Variants in ACOXL observed in about 807,000 individuals in gnomAD.
The protein encoded by ACOXL is acyl-coenzyme A oxidase-like protein.
In ACOXL, 70 loss-of-function variants were observed where a neutral mutation model predicts 71.9. That is an observed-to-expected ratio of 0.97 (90% CI 0.80 to 1.19). ACOXL has a LOEUF of 1.19. Ranked by LOEUF, ACOXL falls within the 50% of genes most tolerant of loss-of-function variation. The pLI is 0.00. For missense variants in ACOXL, 703 were observed against 736.3 expected (o/e 0.95, Z 0.52); for synonymous variants, 253 against 281.6 (o/e 0.90, Z 1.02).
intron 9 of ACOXL, among the ~76,000 whole-genome samples, chr2:110,819,297 G>A (rs1470209610): frequency 6.6e-6 from 1 of 152,184 alleles, no homozygotes; most frequent in African/African-American, 2.4e-5. Context: ...GCTACTGGAG[G>A]CTTCTAAGGA....
chr2:111,054,218 A>G (rs2066426839), intron 16 of ACOXL, among the ~76,000 whole-genome samples: 1 of 152,226 alleles, frequency 6.6e-6, no homozygotes, highest in Non-Finnish European at 1.5e-5. Flanking sequence ...CCTGTAGGAA[A>G]ATAAAGCTTG....
intron 1 of ACOXL, among the ~76,000 whole-genome samples, chr2:110,735,781 G>A (rs926478324): frequency 1.3e-5 from 2 of 152,198 alleles, no homozygotes; most frequent in African/African-American, 4.8e-5. Context: ...GTGACTGGCG[G>A]CTCCTCATTG....
At chr2:110,798,991 A>G in intron 6 of ACOXL, 23 bp from the exon 7 acceptor site, 1 of 1,610,178 alleles carries the variant, frequency 6.2e-7, no homozygotes, top group Non-Finnish European at 8.5e-7. Flanking sequence ...AGAGCTTAAT[A>G]ATGATCTCGA....
chr2:110,903,525 A>C (rs1240626514), intron 10 of ACOXL, among the ~76,000 whole-genome samples: 2 of 152,214 alleles, frequency 1.3e-5, no homozygotes, highest in Non-Finnish European at 2.9e-5. Context: ...GATTTTAAAG[A>C]CCATGAAAAA....
chr2:110,998,284 G>A (rs904124738), intron 14 of ACOXL, among the ~76,000 whole-genome samples: 3 of 152,156 alleles, frequency 2.0e-5, no homozygotes, highest in African/African-American at 7.2e-5. Context: ...TTATTAAATT[G>A]AAAGCTAACA....
chr2:110,904,247 G>A (rs2059356242), intron 10 of ACOXL, among the ~76,000 whole-genome samples: 1 of 152,162 alleles, frequency 6.6e-6, no homozygotes, highest in Non-Finnish European at 1.5e-5. Context: ...TTGGGCATAG[G>A]GGAGGCTCCT....
chr2:110,805,205 C>G (rs151037305), intron 8 of ACOXL, 58 bp from the exon 9 acceptor site: 11 of 1,600,410 alleles, frequency 6.9e-6, no homozygotes, highest in Non-Finnish European at 9.4e-6. Flanking sequence ...CACCTGACTT[C>G]GTTTCTGGTG....
intron 3 of ACOXL, among the ~76,000 whole-genome samples, chr2:110,790,916 T>A (rs996389815): frequency 2.0e-5 from 3 of 152,232 alleles, no homozygotes; most frequent in African/African-American, 7.2e-5. Context: ...CTCAGAGTCC[T>A]CTTTTTCCTT....
At chr2:110,997,298 C>G (rs1220050071) in intron 14 of ACOXL, among the ~76,000 whole-genome samples, 1 of 151,806 alleles carries the variant, frequency 6.6e-6, no homozygotes, top group Non-Finnish European at 1.5e-5. Flanking sequence ...AAATAATAAT[C>G]ACAGACATAG....
At chr2:110,894,975 A>G (rs762507435) in intron 10 of ACOXL, among the ~76,000 whole-genome samples, 3 of 152,210 alleles carry the variant, frequency 2.0e-5, no homozygotes, top group Non-Finnish European at 2.9e-5. Flanking sequence ...GAGTCTCACA[A>G]TATAACATGA....
At chr2:111,085,899 C>T (rs768936462) in intron 16 of ACOXL, among the ~76,000 whole-genome samples, 8 of 152,132 alleles carry the variant, frequency 5.3e-5, no homozygotes, top group Non-Finnish European at 1.0e-4. Flanking sequence ...ACCGACTCCA[C>T]AGAAATACAA....
chr2:110,910,972 A>G (rs911660672), intron 11 of ACOXL, among the ~76,000 whole-genome samples: 1 of 152,130 alleles, frequency 6.6e-6, no homozygotes, highest in African/African-American at 2.4e-5. Flanking sequence ...TTCTTGTTTT[A>G]TGATTATTGC....
chr2:110,800,623 G>A (rs1360868138), intron 7 of ACOXL, among the ~76,000 whole-genome samples: 3 of 152,010 alleles, frequency 2.0e-5, no homozygotes, highest in Non-Finnish European at 4.4e-5. Flanking sequence ...CCAAGCCAAG[G>A]AAGGGAGACT....
intron 2 of ACOXL, among the ~76,000 whole-genome samples, chr2:110,769,919 T>C (rs1452522574): frequency 6.6e-6 from 1 of 151,960 alleles, no homozygotes; most frequent in Non-Finnish European, 1.5e-5. Flanking sequence ...CCCACACCTG[T>C]AGTACCAGCT....
intron 9 of ACOXL, among the ~76,000 whole-genome samples, chr2:110,827,368 A>G (rs1377169344): frequency 6.6e-6 from 1 of 152,028 alleles, no homozygotes. Flanking sequence ...GAATAAAGGT[A>G]GCAGGGCATG....
At chr2:110,943,208 A>G (rs1472048524) in intron 12 of ACOXL, among the ~76,000 whole-genome samples, 3 of 148,366 alleles carry the variant, frequency 2.0e-5, no homozygotes, top group Non-Finnish European at 4.5e-5. Context: ...GAGAAAGGAA[A>G]GGAAGAAGGA....
chr2:110,987,036 T>C, intron 12 of ACOXL, 72 bp from the exon 13 acceptor site: 1 of 1,192,924 alleles, frequency 8.4e-7, no homozygotes. Flanking sequence ...TAGATCTTAT[T>C]GGGTTGCAGT....
chr2:110,945,960 C>A (rs1045661436), intron 12 of ACOXL, among the ~76,000 whole-genome samples: 7 of 151,938 alleles, frequency 4.6e-5, no homozygotes, highest in African/African-American at 1.7e-4. Flanking sequence ...TTAACACTAT[C>A]AATTCTTTCA....
In ACOXL at chr2:110,932,354, C is replaced by G. The variant is rs572050155; in HGVS notation, c.906-1135C>G. Among the ~76,000 whole-genome samples, 96 of 152,280 alleles carry G rather than the reference C, an allele frequency of 6.3e-4. No homozygotes were observed. The South Asian group carries it at 0.011, about 18-fold the overall frequency. ...ATGGGTGTGTACGGTTGTCAAAACTCTTCAAGTGGTGCACTTTGAATGAAT... is the reference window on the plus strand; with the variant it reads ...ATGGGTGTGTACGGTTGTCAAAACTGTTCAAGTGGTGCACTTTGAATGAAT... On this transcript the variant is annotated intron_variant, in intron 11 of 17. Coordinates refer to ENST00000439055, the MANE Select transcript of ACOXL (RefSeq NM_001142807.4).
Sources: gnomAD v4.1 joint callset for allele counts (sites outside exome capture counted in the v4.1 genomes callset) on GRCh38, gnomAD v4.1.1 for gene constraint, MANE v1.5 for transcripts, NCBI Gene and HGNC (gene_info 2026-07-23, HGNC 2026-07-21) for gene names.